ZNF710: variants seen among roughly 807,000 people sequenced by gnomAD.
ZNF710 encodes zinc finger protein 710.
In ZNF710, 13 loss-of-function variants were observed where a neutral mutation model predicts 50.6. That is an observed-to-expected ratio of 0.26 (90% CI 0.17 to 0.41). The LOEUF (loss-of-function observed/expected upper bound fraction) is 0.41, where lower values mean the gene tolerates loss of function less well. Ranked by LOEUF, ZNF710 falls within the 10% of genes least tolerant of loss-of-function variation. ZNF710 has a pLI of 1.00. For synonymous variants in ZNF710, 383 were observed against 397.0 expected (o/e 0.96, Z 0.42); for missense variants, 721 against 936.6 (o/e 0.77, Z 3.01).
intron 1 of ZNF710, among the ~76,000 whole-genome samples, chr15:90,043,305 C>T (rs1302582086): frequency 6.6e-6 from 1 of 152,208 alleles, no homozygotes; most frequent in Non-Finnish European, 1.5e-5. Context: ...CCCAGGGGGC[C>T]GAGCTGCCTT....
chr15:90,026,513 A>G (rs1898786260), intron 1 of ZNF710, among the ~76,000 whole-genome samples: 1 of 152,160 alleles, frequency 6.6e-6, no homozygotes, highest in African/African-American at 2.4e-5. Context: ...TGAATTTGAT[A>G]ATACTGATAA....
chr15:90,007,917 A>C (rs1413359443), intron 1 of ZNF710, among the ~76,000 whole-genome samples: 2 of 152,046 alleles, frequency 1.3e-5, no homozygotes, highest in Non-Finnish European at 2.9e-5. Flanking sequence ...AGGCTAGCCC[A>C]TGAAAGCCTG....
At chr15:90,027,143 C>G (rs1301410014) in intron 1 of ZNF710, among the ~76,000 whole-genome samples, 2 of 152,118 alleles carry the variant, frequency 1.3e-5, no homozygotes, top group Non-Finnish European at 2.9e-5. Context: ...AAGTTTAGAA[C>G]CAATAGCAAA....
chr15:90,024,878 A>G (rs1371369035), intron 1 of ZNF710: 1 of 152,234 alleles, frequency 6.6e-6, no homozygotes, highest in African/African-American at 2.4e-5. Flanking sequence ...TCCATTAGCA[A>G]GGGCCTGCAC....
At chr15:90,007,416 G>C (rs1486066772) in intron 1 of ZNF710, among the ~76,000 whole-genome samples, 1 of 152,024 alleles carries the variant, frequency 6.6e-6, no homozygotes, top group Non-Finnish European at 1.5e-5. Flanking sequence ...GCAGTGTGTG[G>C]GTGGGCTTCA....
At chr15:90,024,075 A>G (rs865907300) in intron 1 of ZNF710, among the ~76,000 whole-genome samples, 58 of 151,810 alleles carry the variant, frequency 3.8e-4, no homozygotes, top group African/African-American at 1.4e-3. Context: ...CCAGGTTTAT[A>G]GAGAAAGGAT....
rs1480264751 is a variant in ZNF710, at chr15:90,062,175, C to T, written c.-28-4935C>T. Among the ~76,000 whole-genome samples the T allele has an allele frequency of 6.6e-6, 1 of 150,664 alleles. No homozygotes were observed. The highest frequency in any genetic ancestry group is 2.4e-5 in the African/African-American group (1 of 40,920). ...CCTCCCCCTCACTCAGGCTCCTCCT[C>T]TGCCCCCCCTTCCCTGTCTCTTCAT... On this transcript the variant is annotated intron_variant, in intron 1 of 4. Coordinates refer to ENST00000268154, the MANE Select transcript of ZNF710 (RefSeq NM_198526.4). This position sits in a 1 kb window ranked among gnomAD's most constrained non-coding sequence, Gnocchi z 5.6.
Position 90,073,097 on chromosome 15 carries a change from G to C in ZNF710, c.1485G>C (p.Val495=), listed in dbSNP as rs781766693. 1.2e-5 allele frequency: 19 copies of C among 1,613,950 alleles called. No individual in the cohort carries two copies. In the South Asian group the frequency reaches 2.1e-4, roughly 18 times the overall value. The change falls in exon 3 of 5, where the codon GTG becomes GTC. Residue 495 remains valine (V), a synonymous_variant. Transcript: ENST00000268154. ...GCGTGAAGGAGTTCAAGTGCGAGGTGTGTGGCCGGGAGTTCACCCTACAGG... is the reference window on the plus strand; with the variant it reads ...GCGTGAAGGAGTTCAAGTGCGAGGTCTGTGGCCGGGAGTTCACCCTACAGG... ...HKGVKEFKCE[V]CGREFTLQAN... is the part of the protein sequence containing the mutation.
rs377573764 is a variant in ZNF710, at chr15:90,080,019, G to A, written c.*190G>A. On this transcript the variant is annotated 3_prime_UTR_variant, in exon 5 of 5. Transcript: ENST00000268154. ...GGAGACTGTACTACTGGCCCCGGCT[G>A]TGAGCCAGCACAGGCCCAGGCATCC... is the stretch of plus-strand genomic sequence containing the variant. The A allele has an allele frequency of 1.9e-6, 1 of 528,330 alleles. No individual in the cohort carries two copies. The highest frequency in any genetic ancestry group is 3.7e-5 in the East Asian group (1 of 27,056). 32.7% of individuals were successfully genotyped at this position (528,330 alleles called of 1,614,324 possible).
At chr15:90,076,121 G>A (rs1735873776) in intron 4 of ZNF710, 1 of 152,204 alleles carries the variant, frequency 6.6e-6, no homozygotes, top group African/African-American at 2.4e-5. Context: ...CGCTGGTTCA[G>A]GGACCTCATG....
upstream of ZNF710, among the ~76,000 whole-genome samples, chr15:89,999,560 T>C (rs1006671014): frequency 2.0e-5 from 3 of 152,172 alleles, no homozygotes; most frequent in Non-Finnish European, 4.4e-5. Context: ...GGTGTCCTTC[T>C]TGTTGAACCA....
At chr15:90,002,979 T>G (rs932930926) in intron 1 of ZNF710, among the ~76,000 whole-genome samples, 1 of 152,136 alleles carries the variant, frequency 6.6e-6, no homozygotes. Flanking sequence ...GTTCAAGCGA[T>G]TCTCCTGCCT....
chr15:90,013,084 T>TTTTG (rs553942461), intron 1 of ZNF710, among the ~76,000 whole-genome samples: 1 of 152,124 alleles, frequency 6.6e-6, no homozygotes, highest in African/African-American at 2.4e-5. Context: ...GATTTTTGCT[T>TTTTG]TTTGTTTGTT....
intron 1 of ZNF710, among the ~76,000 whole-genome samples, chr15:90,015,317 TG>T: frequency 6.6e-6 from 1 of 152,180 alleles, no homozygotes; most frequent in Non-Finnish European, 1.5e-5. Flanking sequence ...GATGTGTTGG[TG>T]GGGAACAGAT....
intron 1 of ZNF710, among the ~76,000 whole-genome samples, chr15:90,039,767 G>A (rs1596282218): frequency 6.6e-6 from 1 of 152,018 alleles, no homozygotes; most frequent in Admixed American, 6.6e-5. Flanking sequence ...TCACCTCCTT[G>A]GGTTTCCTCT....
In ZNF710 at chr15:90,074,307, C is replaced by T. The variant is rs6496620; in HGVS notation, c.1825+17C>T. Reference sequence around the variant, plus strand: ...ACAGCCAAGGTGGGTGGGCCAAGCGCAATGGACAGAGCAGGAATGATACCA... The same window carrying T: ...ACAGCCAAGGTGGGTGGGCCAAGCGTAATGGACAGAGCAGGAATGATACCA... On this transcript the variant is annotated intron_variant, in intron 4 of 4. Transcript: ENST00000268154. 0.28 allele frequency: 452,391 copies of T among 1,610,404 alleles called. 67,188 individuals are homozygous for T. Among genetic ancestry groups the T allele is most frequent in the East Asian group, 0.56 (24,886 of 44,824 alleles).
In ZNF710 at chr15:90,034,830, T is replaced by C. The variant is rs966933966; in HGVS notation, c.-28-32280T>C. Among the ~76,000 whole-genome samples the C allele has an allele frequency of 2.0e-5, 3 of 152,212 alleles. No individual in the cohort carries two copies. The South Asian group carries it at 6.2e-4, about 32-fold the overall frequency. On this transcript the variant is annotated intron_variant, in intron 1 of 4. Coordinates refer to ENST00000268154, the MANE Select transcript of ZNF710 (RefSeq NM_198526.4). This position sits in a 1 kb window ranked among gnomAD's most constrained non-coding sequence, Gnocchi z 4.0. ...GGCGCCTGTTGGGGACTTAGACCTCTTCCACATCGCCCCAAGGTCGGGCTG... is the reference window on the plus strand; with the variant it reads ...GGCGCCTGTTGGGGACTTAGACCTCCTCCACATCGCCCCAAGGTCGGGCTG...
intron 4 of ZNF710, 61 bp from the exon 5 acceptor site, chr15:90,079,599 G>C (rs924569765): frequency 1.9e-6 from 3 of 1,584,338 alleles, no homozygotes; most frequent in Non-Finnish European, 1.7e-6. Context: ...CTTCCTGCGT[G>C]GGGGTGACTG....
chr15:90,072,586 G>A (rs1031041671), intron 2 of ZNF710, among the ~76,000 whole-genome samples: 3 of 152,126 alleles, frequency 2.0e-5, no homozygotes, highest in Admixed American at 6.5e-5. Context: ...GAGACAGCAT[G>A]GAGGATAAAA....
Sources: allele counts gnomAD v4.1 joint callset (sites outside exome capture counted in the v4.1 genomes callset), GRCh38; gene constraint gnomAD v4.1.1; non-coding constraint Gnocchi (gnomAD v3.1); transcripts MANE v1.5; gene names NCBI Gene and HGNC (gene_info 2026-07-23, HGNC 2026-07-21).